The following CLASP2 variants were observed in gnomAD, a reference collection of about 807,000 sequenced individuals.
CLASP2 encodes cytoplasmic linker associated protein 2.
A neutral mutation model predicts 194.4 loss-of-function variants in CLASP2; 47 were observed. The ratio of observed to expected loss-of-function variants is 0.24; its 90% CI spans 0.19 to 0.31. The LOEUF (loss-of-function observed/expected upper bound fraction) is 0.31, where lower values mean the gene tolerates loss of function less well. Ranked by LOEUF, CLASP2 falls within the 10% of genes least tolerant of loss-of-function variation. CLASP2 has a pLI of 1.00. For synonymous variants in CLASP2, 619 were observed against 633.5 expected, an observed-to-expected ratio of 0.98 and a Z score of 0.34; for missense variants, 1,445 against 1,823.6, an observed-to-expected ratio of 0.79 and a Z score of 3.78.
chr3:33,605,969 G>A (rs772239788), intron 16 of CLASP2, among the ~76,000 whole-genome samples: 1 of 152,140 alleles, frequency 6.6e-6, no homozygotes, highest in African/African-American at 2.4e-5. Context: ...ACATGGCACA[G>A]GGCAAGAGGT....
At chr3:33,646,059 G>A (rs1270662735) in intron 7 of CLASP2, among the ~76,000 whole-genome samples, 1 of 151,932 alleles carries the variant, frequency 6.6e-6, no homozygotes, top group Non-Finnish European at 1.5e-5. Context: ...GGGCGAGGCA[G>A]AGAAGCAGCT....
At chr3:33,571,410 C>T (rs1339970720) in intron 25 of CLASP2, among the ~76,000 whole-genome samples, 1 of 151,690 alleles carries the variant, frequency 6.6e-6, no homozygotes, top group Admixed American at 6.6e-5. Flanking sequence ...GGGCAGATCA[C>T]TGGAGGTCAG....
At chr3:33,538,717 G>T in intron 33 of CLASP2, 72 bp downstream of exon 33, 1 of 1,280,302 alleles carries the variant, frequency 7.8e-7, no homozygotes. Flanking sequence ...ATGACAGAAA[G>T]CAAAATGTAA....
At chr3:33,507,111 T>A (rs767983565) in intron 37 of CLASP2, among the ~76,000 whole-genome samples, 11 of 152,104 alleles carry the variant, frequency 7.2e-5, no homozygotes, top group Non-Finnish European at 1.3e-4. Flanking sequence ...GCTGATTTTT[T>A]GTATTTTTAC....
chr3:33,710,860 G>A (rs564209537), intron 1 of CLASP2, among the ~76,000 whole-genome samples: 15 of 151,796 alleles, frequency 9.9e-5, no homozygotes, highest in African/African-American at 3.4e-4. Context: ...ACTTGAACCC[G>A]GGAGGCGGAT....
intron 8 of CLASP2, among the ~76,000 whole-genome samples, chr3:33,638,958 T>C (rs1219538099): frequency 6.6e-6 from 1 of 152,198 alleles, no homozygotes; most frequent in Non-Finnish European, 1.5e-5. Context: ...GCAAATAAAG[T>C]ATGGGAGGAC....
chr3:33,542,674 CATAT>C (rs916194316), intron 32 of CLASP2, among the ~76,000 whole-genome samples: 18 of 150,252 alleles, frequency 1.2e-4, no homozygotes, highest in Non-Finnish European at 2.2e-4. Context: ...ATATATGATA[CATAT>C]ATAATGTCAT....
chr3:33,549,718 A>C (rs985648695), intron 30 of CLASP2, among the ~76,000 whole-genome samples: 11 of 151,418 alleles, frequency 7.3e-5, no homozygotes, highest in Non-Finnish European at 1.5e-4. Flanking sequence ...ATCACAAAAA[A>C]TGTATATTCT....
At chr3:33,603,248 A>G in intron 17 of CLASP2, 123 bp from the exon 18 acceptor site, 1 of 998,034 alleles carries the variant, frequency 1.0e-6, no homozygotes, top group Non-Finnish European at 1.4e-6. Context: ...CTGTGGCCAA[A>G]TGGACAGTAC....
chr3:33,620,584 C>G (rs562217813), intron 11 of CLASP2, among the ~76,000 whole-genome samples: 3 of 152,138 alleles, frequency 2.0e-5, no homozygotes, highest in Non-Finnish European at 2.9e-5. Flanking sequence ...CAAAAAGGAA[C>G]CTCAAATGAA....
At chr3:33,583,672 T>C (rs1181886052) in intron 22 of CLASP2, among the ~76,000 whole-genome samples, 1 of 152,190 alleles carries the variant, frequency 6.6e-6, no homozygotes, top group Non-Finnish European at 1.5e-5. Context: ...GTATGGAAGT[T>C]GAGATACTGA....
chr3:33,503,131 C>T (rs1575576538), intron 37 of CLASP2: 2 of 152,166 alleles, frequency 1.3e-5, no homozygotes, highest in East Asian at 3.9e-4. Flanking sequence ...AAGACACGCA[C>T]TGTCCCTTCC....
intron 1 of CLASP2, among the ~76,000 whole-genome samples, chr3:33,707,697 T>C (rs1042108473): frequency 2.6e-5 from 4 of 152,138 alleles, no homozygotes; most frequent in African/African-American, 7.2e-5. Context: ...AAAAAAGGAC[T>C]CAATTTAAGT....
chr3:33,569,919 C>G (rs1464754510), intron 26 of CLASP2, among the ~76,000 whole-genome samples: 1 of 151,908 alleles, frequency 6.6e-6, no homozygotes, highest in African/African-American at 2.4e-5. Flanking sequence ...ATGAGATGTG[C>G]AACAATAAAG....
At chr3:33,608,308 G>T (rs1051153392) in intron 14 of CLASP2, among the ~76,000 whole-genome samples, 1 of 152,064 alleles carries the variant, frequency 6.6e-6, no homozygotes, top group Admixed American at 6.6e-5. Flanking sequence ...TTAAACTTTT[G>T]CCCAACTCAA....
intron 37 of CLASP2, among the ~76,000 whole-genome samples, chr3:33,507,880 C>T (rs1051793140): frequency 4.6e-5 from 7 of 151,908 alleles, no homozygotes; most frequent in East Asian, 1.9e-4. Flanking sequence ...TATACCCTGC[C>T]GCAACATCTT....
At chr3:33,673,111 G>C (rs188373945) in intron 6 of CLASP2, among the ~76,000 whole-genome samples, 149 of 152,244 alleles carry the variant, frequency 9.8e-4, no homozygotes, top group South Asian at 4.6e-3. Flanking sequence ...GATACTCCTC[G>C]TGAAAAGCAA....
At chr3:33,650,984 T>G (rs746582189) in intron 7 of CLASP2, among the ~76,000 whole-genome samples, 4 of 152,220 alleles carry the variant, frequency 2.6e-5, no homozygotes, top group Non-Finnish European at 4.4e-5. Flanking sequence ...TAAACTCATT[T>G]GGTGGCATTA....
chr3:33,577,078 C>G (rs552535020), intron 23 of CLASP2: 2 of 822,428 alleles, frequency 2.4e-6, no homozygotes. Context: ...AGTTTATTCT[C>G]CAACAAATTA....
Sources: gnomAD v4.1 joint callset for allele counts (sites outside exome capture counted in the v4.1 genomes callset) on GRCh38, gnomAD v4.1.1 for gene constraint, MANE v1.5 for transcripts, NCBI Gene and HGNC (gene_info 2026-07-23, HGNC 2026-07-21) for gene names.